The following USP30 variants were observed in gnomAD, a reference collection of about 807,000 sequenced individuals.
USP30 encodes ubiquitin specific peptidase 30.
A neutral mutation model predicts 68.2 loss-of-function variants in USP30; 41 were observed. The observed-to-expected ratio is 0.60, with a 90% CI of 0.47 to 0.78. The LOEUF (loss-of-function observed/expected upper bound fraction) is 0.78, where lower values mean the gene tolerates loss of function less well. USP30 is among the 30% of genes least tolerant of loss of function. USP30 has a pLI of 0.00. For synonymous variants in USP30, 229 were observed against 253.7 expected (o/e 0.90, Z 0.93); for missense variants, 522 against 649.4 (o/e 0.80, Z 2.13).
intron 8 of USP30, 109 bp downstream of exon 8, chr12:109,081,502 T>A: frequency 8.8e-7 from 1 of 1,136,576 alleles, no homozygotes; most frequent in Admixed American, 2.0e-5. Flanking sequence ...TTCAGATACA[T>A]GGTTGGTTGA....
At chr12:109,057,086 T>G (rs1229404765) in intron 2 of USP30, among the ~76,000 whole-genome samples, 1 of 152,230 alleles carries the variant, frequency 6.6e-6, no homozygotes, top group African/African-American at 2.4e-5. Context: ...AATTGTAGTT[T>G]TCAGTGGTAC....
chr12:109,086,089 A>T lies in USP30; in HGVS notation c.*158A>T. 9.2e-7 allele frequency: 1 copy of T among 1,082,220 alleles called. No individual in the cohort carries two copies. The highest frequency in any genetic ancestry group is 1.3e-6 in the Non-Finnish European group (1 of 777,068). The allele number at this position is 1,082,220 out of a possible 1,614,324, so 67.0% of individuals were successfully genotyped here. On this transcript the variant is annotated 3_prime_UTR_variant, in exon 13 of 13. Coordinates refer to ENST00000257548, the MANE Select transcript of USP30 (RefSeq NM_032663.5). ...TCCACCTGGGAGCCAGCCCCAGTTC[A>T]CACCAAACCAGGCTCCCTGAACAGT...
At chr12:109,078,118 G>A (rs1023753775) in intron 7 of USP30, among the ~76,000 whole-genome samples, 21 of 152,028 alleles carry the variant, frequency 1.4e-4, no homozygotes, top group African/African-American at 3.9e-4. Context: ...AACCTCCTCC[G>A]TACAATTTTC....
In USP30 at chr12:109,082,971, T is replaced by C; in HGVS notation, c.1077T>C (p.Leu359=). The C allele has an allele frequency of 6.2e-7, 1 of 1,614,232 alleles. No individual in the cohort carries two copies. Among genetic ancestry groups the C allele is most frequent in the South Asian group, 1.1e-5 (1 of 91,090 alleles). ...TGGACATTTACAAGTACCACCTCCTTGGACATAAACCTAGTCAACACAACC... is the reference window on the plus strand; with the variant it reads ...TGGACATTTACAAGTACCACCTCCTCGGACATAAACCTAGTCAACACAACC... The part of the protein sequence containing the change: ...LMMDIYKYHL[L]GHKPSQHNPK... The change falls in exon 11 of 13, where the codon CTT becomes CTC. Residue 359 remains leucine (L), a synonymous_variant. Coordinates refer to ENST00000257548, the MANE Select transcript of USP30 (RefSeq NM_032663.5).
At chr12:109,038,982 A>G (rs952461088) in intron 3 of USP30, among the ~76,000 whole-genome samples, 1 of 152,204 alleles carries the variant, frequency 6.6e-6, no homozygotes, top group Non-Finnish European at 1.5e-5. Context: ...GAATTGCAAG[A>G]GTTCTTTACA....
At chr12:109,049,367 G>A (rs2040637045), upstream of USP30, among the ~76,000 whole-genome samples, 1 of 152,170 alleles carries the variant, frequency 6.6e-6, no homozygotes, top group Non-Finnish European at 1.5e-5. Flanking sequence ...GAGAGAGAGG[G>A]GGGAACAGCC....
At chr12:109,042,347 A>G (rs754816326) in intron 3 of USP30, among the ~76,000 whole-genome samples, 1 of 152,188 alleles carries the variant, frequency 6.6e-6, no homozygotes, top group Non-Finnish European at 1.5e-5. Context: ...GTCCTCAGTC[A>G]TACGGTTCTT....
chr12:109,071,534 T>C, intron 4 of USP30, 78 bp from the exon 5 acceptor site: 1 of 1,170,674 alleles, frequency 8.5e-7, no homozygotes, highest in South Asian at 1.3e-5. Flanking sequence ...CACTGTAGGG[T>C]GTCTGCCCGA....
intron 3 of USP30, among the ~76,000 whole-genome samples, chr12:109,039,315 T>C (rs530734823): frequency 6.6e-6 from 1 of 152,356 alleles, no homozygotes; most frequent in Non-Finnish European, 1.5e-5. Flanking sequence ...TATATTTTTA[T>C]GTGTCTTATC....
chr12:109,066,638 T>G (rs568272167), intron 3 of USP30, among the ~76,000 whole-genome samples: 9 of 152,198 alleles, frequency 5.9e-5, no homozygotes, highest in South Asian at 2.1e-4. Context: ...TGAGCTGAGA[T>G]CACGCCATTG....
At chr12:109,054,699 T>C (rs1268336846) in intron 1 of USP30, 1 of 152,240 alleles carries the variant, frequency 6.6e-6, no homozygotes, top group African/African-American at 2.4e-5. Context: ...GTAGGTCTTA[T>C]GGATTGTCCC....
intron 5 of USP30, 60 bp from the exon 6 acceptor site, chr12:109,072,245 G>C (rs1309831887): frequency 2.0e-5 from 29 of 1,448,986 alleles, no homozygotes; most frequent in Non-Finnish European, 2.6e-5. Flanking sequence ...GGTGGGGTGA[G>C]GGTGGTGAAA....
chr12:109,067,292 T>A (rs1226695683), intron 3 of USP30, among the ~76,000 whole-genome samples: 1 of 143,988 alleles, frequency 6.9e-6, no homozygotes, highest in Non-Finnish European at 1.5e-5. Flanking sequence ...TTTTTTTTTT[T>A]ATTTTTAGTG....
chr12:109,060,638 A>G (rs575338858), intron 3 of USP30, among the ~76,000 whole-genome samples: 14 of 152,288 alleles, frequency 9.2e-5, no homozygotes, highest in African/African-American at 2.6e-4. Context: ...ATGCGAAAAT[A>G]GAAAAACTGT....
chr12:109,053,370 C>G (rs1344966035), intron 1 of USP30, among the ~76,000 whole-genome samples: 4 of 152,074 alleles, frequency 2.6e-5, no homozygotes, highest in African/African-American at 4.8e-5. Context: ...TGGTCAGGGC[C>G]CCTTTAACCT....
chr12:109,044,258 T>C lies in USP30; in HGVS notation c.-135-3332T>C, dbSNP rs11066984. Among the ~76,000 whole-genome samples the C allele has an allele frequency of 7.8e-4, 119 of 152,300 alleles. 1 individual carries two copies. In the East Asian group the frequency reaches 0.018, roughly 23 times the overall value. The stretch of plus-strand genomic sequence containing the variant: ...CTGTTTAACAGGTACAGAATTTTAG[T>C]TTTGCAGATGGAGAGTTCTGGAGAT... On this transcript the variant is annotated intron_variant, in intron 3 of 15. Transcript: ENST00000392784.
At chr12:109,043,773 CAA>C (rs2040581052) in intron 3 of USP30, among the ~76,000 whole-genome samples, 1 of 152,132 alleles carries the variant, frequency 6.6e-6, no homozygotes, top group African/African-American at 2.4e-5. Flanking sequence ...AAGACACTAT[CAA>C]GAGTAAGAAA....
At chr12:109,043,657 T>C (rs1316708103) in intron 3 of USP30, among the ~76,000 whole-genome samples, 2 of 152,156 alleles carry the variant, frequency 1.3e-5, no homozygotes, top group East Asian at 1.9e-4. Flanking sequence ...CTTTGTGACA[T>C]TGGATTTGGC....
upstream of USP30, among the ~76,000 whole-genome samples, chr12:109,050,636 GTA>G (rs2040652071): frequency 6.6e-6 from 1 of 152,120 alleles, no homozygotes; most frequent in African/African-American, 2.4e-5. Flanking sequence ...GTCCAATACG[GTA>G]GCTGCTGGCC....
Sources: allele counts gnomAD v4.1 joint callset (sites outside exome capture counted in the v4.1 genomes callset), GRCh38; gene constraint gnomAD v4.1.1; transcripts MANE v1.5; gene names NCBI Gene and HGNC (gene_info 2026-07-23, HGNC 2026-07-21).